Variants in RYR2 observed in about 807,000 individuals in gnomAD.
The protein encoded by RYR2 is ryanodine receptor 2.
A neutral mutation model predicts 601.1 loss-of-function variants in RYR2; 227 were observed. The observed-to-expected ratio is 0.38, with a 90% confidence interval of 0.34 to 0.42. RYR2 has a LOEUF of 0.42. Ranked by LOEUF, RYR2 falls within the 10% of genes least tolerant of loss-of-function variation. The pLI, the probability that RYR2 is intolerant of heterozygous loss-of-function variation, is 1.00. For missense variants in RYR2, 4,646 were observed against 6,156.5 expected (o/e 0.75, Z 8.21); for synonymous variants, 2,223 against 2,175.1 (o/e 1.02, Z -0.61).
chr1:237,130,150 T>G (rs966555968), intron 1 of RYR2, among the ~76,000 whole-genome samples: 1 of 152,008 alleles, frequency 6.6e-6, no homozygotes, highest in Admixed American at 6.5e-5. Flanking sequence ...TTAATTAGTT[T>G]GAGTTAATCA....
chr1:237,644,269 G>T (rs1054663652), intron 48 of RYR2, among the ~76,000 whole-genome samples: 29 of 152,018 alleles, frequency 1.9e-4, no homozygotes, highest in Admixed American at 6.5e-4. Context: ...GTCTCACTCC[G>T]TCACCCAGGC....
intron 98 of RYR2, among the ~76,000 whole-genome samples, chr1:237,804,558 A>G (rs376766974): frequency 2.0e-5 from 3 of 152,128 alleles, no homozygotes; most frequent in African/African-American, 7.2e-5. Flanking sequence ...AGCAGCCACC[A>G]TATTTTTATT....
intron 86 of RYR2, among the ~76,000 whole-genome samples, chr1:237,773,250 G>T (rs150794408): frequency 2.0e-5 from 3 of 152,148 alleles, no homozygotes; most frequent in African/African-American, 7.2e-5. Context: ...TCTTATGTTT[G>T]TGAAGTTCAA....
intron 24 of RYR2, among the ~76,000 whole-genome samples, chr1:237,515,876 T>TCCTCTTCTCCTCCTC (rs1211535647): frequency 1.1e-4 from 2 of 18,268 alleles, no homozygotes; most frequent in Non-Finnish European, 2.5e-4. Context: ...TTCTTTTCCT[T>TCCTCTTCTCCTCCTC]CCTCTTCTCC....
chr1:237,044,544 G>C (rs1221329476), intron 1 of RYR2, among the ~76,000 whole-genome samples: 2 of 152,134 alleles, frequency 1.3e-5, no homozygotes, highest in Non-Finnish European at 2.9e-5. Flanking sequence ...GTAGAGATCT[G>C]GCAGTCCCAG....
chr1:237,408,022 T>A (rs1034254866), intron 10 of RYR2, among the ~76,000 whole-genome samples: 5 of 152,248 alleles, frequency 3.3e-5, no homozygotes, highest in Admixed American at 1.3e-4. Flanking sequence ...GTCTTTTTAT[T>A]CTCTTAATAG....
intron 1 of RYR2, among the ~76,000 whole-genome samples, chr1:237,155,160 A>G (rs1163412406): frequency 6.9e-6 from 1 of 144,274 alleles, no homozygotes; most frequent in Non-Finnish European, 1.5e-5. Flanking sequence ...ATAATGGTAT[A>G]TATATATTTT....
chr1:237,563,769 T>G (rs2148219767), intron 27 of RYR2, among the ~76,000 whole-genome samples: 1 of 152,270 alleles, frequency 6.6e-6, no homozygotes, highest in South Asian at 2.1e-4. Flanking sequence ...ATTTGCCTTC[T>G]AAAATATTTG....
intron 12 of RYR2, among the ~76,000 whole-genome samples, chr1:237,432,109 T>TA (rs1553449474): frequency 4.6e-5 from 7 of 151,358 alleles, no homozygotes; most frequent in African/African-American, 1.5e-4. Flanking sequence ...CTTTTTTTTT[T>TA]ATTCATTTCT....
intron 1 of RYR2, among the ~76,000 whole-genome samples, chr1:237,127,506 CGGGGGGCTG>C: frequency 4.0e-5 from 6 of 150,826 alleles, no homozygotes; most frequent in African/African-American, 2.4e-5. Flanking sequence ...GCTGGCCGGG[CGGGGGGCTG>C]ATGCCCCCAC....
chr1:237,684,309 C>A (rs916470745), intron 62 of RYR2, among the ~76,000 whole-genome samples: 1 of 151,966 alleles, frequency 6.6e-6, no homozygotes, highest in Non-Finnish European at 1.5e-5. Flanking sequence ...CACACACACA[C>A]AATAACACAG....
At chr1:237,177,810 A>T (rs6668274) in intron 1 of RYR2, among the ~76,000 whole-genome samples, 53,842 of 152,030 alleles carry the variant, frequency 0.35, 9,756 homozygotes, top group East Asian at 0.52. Flanking sequence ...CTAGAAGAGA[A>T]ATTACTGAGC....
At chr1:237,173,785 G>A (rs1049245948) in intron 1 of RYR2, among the ~76,000 whole-genome samples, 1 of 152,134 alleles carries the variant, frequency 6.6e-6, no homozygotes, top group Non-Finnish European at 1.5e-5. Flanking sequence ...GGCCGGGCGC[G>A]GTGGCTCACG....
intron 24 of RYR2, among the ~76,000 whole-genome samples, chr1:237,522,022 G>A (rs949538748): frequency 8.6e-5 from 13 of 151,900 alleles, no homozygotes; most frequent in African/African-American, 2.7e-4. Flanking sequence ...TGTGTACAAC[G>A]TGCAGGTTAA....
chr1:237,506,309 G>A (rs1374713700), intron 22 of RYR2, among the ~76,000 whole-genome samples: 6 of 152,024 alleles, frequency 3.9e-5, no homozygotes, highest in African/African-American at 7.2e-5. Context: ...AGGCCGAGGC[G>A]GGCGGATCAC....
At chr1:237,379,778 C>T (rs1458192222) in intron 8 of RYR2, among the ~76,000 whole-genome samples, 1 of 152,106 alleles carries the variant, frequency 6.6e-6, no homozygotes, top group Non-Finnish European at 1.5e-5. Flanking sequence ...CACACCTTGC[C>T]CAGCCTGTGC....
chr1:237,149,175 A>C (rs1187625284), intron 1 of RYR2, among the ~76,000 whole-genome samples: 1 of 152,200 alleles, frequency 6.6e-6, no homozygotes, highest in East Asian at 1.9e-4. Context: ...AGAGCTGCAT[A>C]ATTTGTTTGA....
At chr1:237,693,151 T>G (rs977101307) in intron 63 of RYR2, among the ~76,000 whole-genome samples, 1 of 151,838 alleles carries the variant, frequency 6.6e-6, no homozygotes, top group Non-Finnish European at 1.5e-5. Context: ...TTATTTTGCT[T>G]AAGAGATTAT....
At chr1:237,144,587 G>A (rs1558313037) in intron 1 of RYR2, among the ~76,000 whole-genome samples, 1 of 152,194 alleles carries the variant, frequency 6.6e-6, no homozygotes, top group Non-Finnish European at 1.5e-5. Context: ...ATTTCAAAGA[G>A]ATAAGAAAGA....
Sources: allele counts gnomAD v4.1 joint callset (sites outside exome capture counted in the v4.1 genomes callset), GRCh38; gene constraint gnomAD v4.1.1; transcripts MANE v1.5; gene names NCBI Gene and HGNC (gene_info 2026-07-23, HGNC 2026-07-21).